Variants in GSTO2 observed in about 807,000 individuals in gnomAD.
GSTO2 encodes glutathione S-transferase omega-2.
GSTO2 carries 23 observed loss-of-function variants against 28.4 expected under a neutral mutation model. The observed-to-expected ratio is 0.81, with a 90% CI of 0.58 to 1.15. The LOEUF is 1.15. GSTO2 is among the 50% of genes most tolerant of loss of function. GSTO2 has a pLI of 0.00. For missense variants in GSTO2, 298 were observed against 297.8 expected, an observed-to-expected ratio of 1.00 and a Z score of 0.00; for synonymous variants, 109 against 111.0, an observed-to-expected ratio of 0.98 and a Z score of 0.11.
intron 5 of GSTO2, among the ~76,000 whole-genome samples, chr10:104,294,458 C>G (rs573478376): frequency 3.2e-4 from 49 of 152,308 alleles, no homozygotes; most frequent in African/African-American, 1.2e-3. Context: ...AGGATGTTCT[C>G]CTACGTCTGT....
At chr10:104,286,771 A>G (rs544819417) in intron 5 of GSTO2, among the ~76,000 whole-genome samples, 1 of 152,168 alleles carries the variant, frequency 6.6e-6, no homozygotes, top group South Asian at 2.1e-4. Flanking sequence ...TTTCTGATAT[A>G]CCCTTTCCCA....
intron 1 of GSTO2, among the ~76,000 whole-genome samples, chr10:104,271,929 G>GT (rs548586659): frequency 4.4e-4 from 67 of 152,230 alleles, no homozygotes; most frequent in Non-Finnish European, 4.3e-4. Flanking sequence ...CCAATTGTTG[G>GT]TTTTTTTATA....
intron 1 of GSTO2, among the ~76,000 whole-genome samples, chr10:104,269,538 A>C (rs2011285077): frequency 6.6e-6 from 1 of 152,190 alleles, no homozygotes; most frequent in Non-Finnish European, 1.5e-5. Flanking sequence ...TTTGGCTGGA[A>C]ACAGGCAGAG....
intron 3 of GSTO2, among the ~76,000 whole-genome samples, chr10:104,277,669 A>G (rs919868846): frequency 1.3e-5 from 2 of 152,172 alleles, no homozygotes; most frequent in African/African-American, 4.8e-5. Context: ...AGCCTACTTC[A>G]GGGGGAATTA....
intron 5 of GSTO2, among the ~76,000 whole-genome samples, chr10:104,289,365 G>A (rs763715750): frequency 8.5e-5 from 13 of 152,152 alleles, no homozygotes; most frequent in African/African-American, 1.4e-4. Context: ...CAAAGTACTA[G>A]GATAAAAGGT....
intron 5 of GSTO2, among the ~76,000 whole-genome samples, chr10:104,290,046 T>A (rs953300793): frequency 6.6e-6 from 1 of 152,118 alleles, no homozygotes; most frequent in Non-Finnish European, 1.5e-5. Context: ...CACTAAAAAT[T>A]GAGCTACCAT....
rs2011975755 is a variant in GSTO2, at chr10:104,280,539, A to T, written c.468+1068A>T. Among the ~76,000 whole-genome samples the T allele has an allele frequency of 2.0e-5, 3 of 152,212 alleles. No individual in the cohort carries two copies. In the South Asian group the frequency reaches 6.2e-4, roughly 32 times the overall value. Reference sequence around the variant, plus strand: ...TGGGAAATACAGTCTTTTAGCTGGGATACCCTGAATAAAATCAGAGGTCTG... The same window carrying T: ...TGGGAAATACAGTCTTTTAGCTGGGTTACCCTGAATAAAATCAGAGGTCTG... On this transcript the variant is annotated intron_variant, in intron 5 of 6. Transcript: ENST00000338595.
At position 104,301,379 on chromosome 10, in the gene GSTO2, A is replaced by G. The variant is rs2013252284; in HGVS notation, c.*2095A>G. 1 of 152,232 alleles carries G rather than the reference A, an allele frequency of 6.6e-6. No homozygotes were observed. The allele number at this position is 152,232 out of a possible 1,614,324, so 9.4% of individuals were successfully genotyped here. ...GGGGAGGTTTGCAGCCTGGTGGCCT[A>G]TAGCCCAGTTTGGGATTTGAGTGCC... On this transcript the variant is annotated 3_prime_UTR_variant, in exon 7 of 7. Transcript: ENST00000338595.
rs576787297 is a variant in GSTO2, at chr10:104,275,843, A to G, written c.143+509A>G. Reference sequence around the variant, plus strand: ...TTCATGAGCTAGGAGAGAGCCTGTCACATAGTGGATGCTCAAAAAACATCT... The same window carrying G: ...TTCATGAGCTAGGAGAGAGCCTGTCGCATAGTGGATGCTCAAAAAACATCT... On this transcript the variant is annotated intron_variant, in intron 3 of 6. Coordinates refer to ENST00000338595, the MANE Select transcript of GSTO2 (RefSeq NM_183239.2). Among the ~76,000 whole-genome samples the G allele has an allele frequency of 2.0e-5, 3 of 152,338 alleles. No homozygotes were observed. In the East Asian group the frequency reaches 5.8e-4, roughly 29 times the overall value.
chr10:104,277,915 C>T lies in GSTO2; in HGVS notation c.165C>T (p.Asn55=). The change falls in exon 4 of 7, where the codon AAC becomes AAT. Residue 55 remains asparagine, a synonymous_variant. Coordinates refer to ENST00000338595, the MANE Select transcript of GSTO2 (RefSeq NM_183239.2). ...TAAGACATGAAGTGGTCAACATTAA[C>T]CTGAGAAACAAGCCTGAATGGTACT... The part of the protein sequence containing the change: ...KDIRHEVVNI[N]LRNKPEWYYT... 1 of 1,613,706 alleles carries T rather than the reference C, an allele frequency of 6.2e-7. No individual in the cohort carries two copies. Among genetic ancestry groups the T allele is most frequent in the Non-Finnish European group, 8.5e-7 (1 of 1,179,662 alleles).
At chr10:104,272,367 G>A (rs12262175) in intron 1 of GSTO2, among the ~76,000 whole-genome samples, 11,210 of 152,004 alleles carry the variant, frequency 0.074, 1,370 homozygotes, top group African/African-American at 0.26. Flanking sequence ...CAGATGGCCT[G>A]AAAAGCCTGA....
intron 5 of GSTO2, among the ~76,000 whole-genome samples, chr10:104,280,522 A>C (rs1029222747): frequency 6.6e-6 from 1 of 152,210 alleles, no homozygotes; most frequent in African/African-American, 2.4e-5. Context: ...GCTGGGAAAT[A>C]CAGTCTTTTA....
At position 104,301,997 on chromosome 10, in the gene GSTO2, G is replaced by A. The variant is rs1330242412; in HGVS notation, c.*2713G>A. 1 of 152,396 alleles carries A rather than the reference G, an allele frequency of 6.6e-6. No individual in the cohort carries two copies. Among genetic ancestry groups the A allele is most frequent in the Non-Finnish European group, 1.5e-5 (1 of 68,202 alleles). The allele number at this position is 152,396 out of a possible 1,614,324, so 9.4% of individuals were successfully genotyped here. On this transcript the variant is annotated 3_prime_UTR_variant, in exon 7 of 7. Coordinates refer to ENST00000338595, the MANE Select transcript of GSTO2 (RefSeq NM_183239.2). ...ACTGAGTAATTTATAAAGGAAAGAG[G>A]TTTAATTGACTCACAATTCCACATG...
chr10:104,283,618 T>A (rs997078022), intron 5 of GSTO2, among the ~76,000 whole-genome samples: 2 of 152,166 alleles, frequency 1.3e-5, no homozygotes, highest in African/African-American at 4.8e-5. Context: ...ACAGCAAGAC[T>A]CTGTCTCAAA....
At chr10:104,287,980 C>T (rs1325526433) in intron 5 of GSTO2, among the ~76,000 whole-genome samples, 2 of 151,238 alleles carry the variant, frequency 1.3e-5, no homozygotes, top group East Asian at 3.9e-4. Flanking sequence ...CTCCACCTCC[C>T]AGGTTCATGC....
intron 5 of GSTO2, among the ~76,000 whole-genome samples, chr10:104,292,034 C>T (rs1564851588): frequency 1.3e-5 from 2 of 152,128 alleles, no homozygotes; most frequent in Non-Finnish European, 2.9e-5. Context: ...CCTCAGTTCC[C>T]TCCCCTGCCA....
chr10:104,286,588 A>G (rs2012437134), intron 5 of GSTO2, among the ~76,000 whole-genome samples: 1 of 152,186 alleles, frequency 6.6e-6, no homozygotes, highest in South Asian at 2.1e-4. Flanking sequence ...CTGATTTAGC[A>G]TGTTTACTAA....
chr10:104,283,524 G>A (rs1046196033), intron 5 of GSTO2, among the ~76,000 whole-genome samples: 2 of 152,192 alleles, frequency 1.3e-5, no homozygotes, highest in African/African-American at 4.8e-5. Context: ...TTCTCTGGAG[G>A]CTGAGGCGGG....
Position 104,277,960 on chromosome 10 carries a change from C to T in GSTO2, c.210C>T (p.Gly70=). The T allele has an allele frequency of 1.2e-6, 2 of 1,613,984 alleles. No homozygotes were observed. The highest frequency in any genetic ancestry group is 1.1e-5 in the South Asian group (1 of 91,076). The change falls in exon 4 of 7, where the codon GGC becomes GGT. Residue 70 remains glycine (G), a synonymous_variant. Transcript: ENST00000338595. The part of the protein sequence containing the change: ...PEWYYTKHPF[G]HIPVLETSQC... ...GGTACTATACAAAGCACCCTTTTGGCCACATTCCTGTCCTGGAGACCAGCC... is the reference window on the plus strand; with the variant it reads ...GGTACTATACAAAGCACCCTTTTGGTCACATTCCTGTCCTGGAGACCAGCC...
Sources: allele counts gnomAD v4.1 joint callset (sites outside exome capture counted in the v4.1 genomes callset), GRCh38; gene constraint gnomAD v4.1.1; transcripts MANE v1.5; gene names NCBI Gene and HGNC (gene_info 2026-07-23, HGNC 2026-07-21).